WBP1L: variants seen among roughly 807,000 people sequenced by gnomAD.
WBP1L encodes WW domain binding protein 1 like.
Under a neutral mutation model 33.7 loss-of-function variants are expected in WBP1L, and 17 were observed. That is an observed-to-expected ratio of 0.50 (90% CI 0.34 to 0.76). The LOEUF is 0.76. Among genes scored for constraint, WBP1L ranks in the 30% least tolerant of loss-of-function variants. The pLI is 0.01. For synonymous variants in WBP1L, 173 were observed against 190.8 expected (o/e 0.91, Z 0.77); for missense variants, 389 against 469.4 (o/e 0.83, Z 1.58).
intron 1 of WBP1L, among the ~76,000 whole-genome samples, chr10:102,754,255 GTCT>G (rs1362423819): frequency 6.6e-6 from 1 of 152,148 alleles, no homozygotes; most frequent in Non-Finnish European, 1.5e-5. Flanking sequence ...TGGATAATTT[GTCT>G]TTAAGTTTTG....
intron 1 of WBP1L, among the ~76,000 whole-genome samples, chr10:102,779,783 A>G (rs1843314193): frequency 6.6e-6 from 1 of 152,380 alleles, no homozygotes. Flanking sequence ...AGGAACGCCC[A>G]GGGACTGGGA....
chr10:102,790,603 C>G (rs973619595), intron 1 of WBP1L, among the ~76,000 whole-genome samples: 3 of 152,058 alleles, frequency 2.0e-5, no homozygotes, highest in Non-Finnish European at 4.4e-5. Context: ...CTCTGCCTCC[C>G]GGGTTCAAGC....
chr10:102,797,983 A>G lies in WBP1L; in HGVS notation c.91-10A>G. ...ATTTAATATGCTAACATGCTTTTTTAATTTTTTAGGATAAGGAAGCCTGTG... is the reference window on the plus strand; with the variant it reads ...ATTTAATATGCTAACATGCTTTTTTGATTTTTTAGGATAAGGAAGCCTGTG... On this transcript the variant is annotated splice_polypyrimidine_tract_variant and intron_variant, in intron 1 of 3. Transcript: ENST00000448841. The G allele has an allele frequency of 6.2e-7, 1 of 1,612,038 alleles. No individual in the cohort carries two copies. Among genetic ancestry groups the G allele is most frequent in the Non-Finnish European group, 8.5e-7 (1 of 1,179,064 alleles).
chr10:102,793,079 A>G (rs1843526095), intron 1 of WBP1L, among the ~76,000 whole-genome samples: 1 of 152,144 alleles, frequency 6.6e-6, no homozygotes, highest in East Asian at 1.9e-4. Flanking sequence ...ATCTTTCATT[A>G]GACTGTAAGT....
chr10:102,769,356 C>CTTTTTTTTTTTTTTTTTTTTTTTTTTT (rs376863934), intron 1 of WBP1L, among the ~76,000 whole-genome samples: 1 of 134,664 alleles, frequency 7.4e-6, no homozygotes, highest in African/African-American at 2.6e-5. Flanking sequence ...TTTCTTTTTT[C>CTTTTTTTTTTTTTTTTTTTTTTTTTTT]TTTCTTTTTT....
chr10:102,748,205 G>C (rs1391964398), intron 1 of WBP1L, among the ~76,000 whole-genome samples: 4 of 151,676 alleles, frequency 2.6e-5, no homozygotes, highest in Non-Finnish European at 5.9e-5. Context: ...GCAGTGAGCC[G>C]AGGTCGCGCC....
At chr10:102,808,582 AG>A (rs1380094315) in intron 2 of WBP1L, among the ~76,000 whole-genome samples, 4 of 152,344 alleles carry the variant, frequency 2.6e-5, no homozygotes, top group Non-Finnish European at 5.9e-5. Flanking sequence ...GGCAGGCCAA[AG>A]GGAGGGAGAG....
At chr10:102,754,311 A>G (rs1040274349) in intron 1 of WBP1L, among the ~76,000 whole-genome samples, 3 of 152,066 alleles carry the variant, frequency 2.0e-5, no homozygotes, top group Non-Finnish European at 4.4e-5. Context: ...GGAGCATAAA[A>G]CCTACCCCAG....
chr10:102,771,002 C>T (rs1035698222), intron 1 of WBP1L, among the ~76,000 whole-genome samples: 3 of 152,194 alleles, frequency 2.0e-5, no homozygotes, highest in Non-Finnish European at 4.4e-5. Context: ...ACCCCATTTG[C>T]CTCCATTTCT....
chr10:102,746,634 T>C (rs1826268280), intron 1 of WBP1L, among the ~76,000 whole-genome samples: 1 of 151,982 alleles, frequency 6.6e-6, no homozygotes, highest in South Asian at 2.1e-4. Flanking sequence ...AAGGGGTTGC[T>C]TGTACAAATC....
At chr10:102,770,836 G>A (rs1843178946) in intron 1 of WBP1L, among the ~76,000 whole-genome samples, 1 of 152,134 alleles carries the variant, frequency 6.6e-6, no homozygotes, top group South Asian at 2.1e-4. Flanking sequence ...CCTCAGTTCT[G>A]GTTTTTGCTG....
chr10:102,775,481 A>G (rs893920590), intron 1 of WBP1L, among the ~76,000 whole-genome samples: 8 of 152,216 alleles, frequency 5.3e-5, no homozygotes, highest in African/African-American at 1.9e-4. Flanking sequence ...AGTTGGTTTA[A>G]ATATAGATGA....
intron 1 of WBP1L, chr10:102,746,185 A>G (rs1842862557): frequency 1.0e-6 from 1 of 984,944 alleles, no homozygotes; most frequent in Non-Finnish European, 1.2e-6. Flanking sequence ...TGTTGTGAAC[A>G]TGTGGAAGGG....
At position 102,815,090 on chromosome 10, in the gene WBP1L, C is replaced by T. The variant is rs1321666718; in HGVS notation, c.*1759C>T. The stretch of plus-strand genomic sequence containing the variant: ...GAAGATACTTTGAGTGGCAGCCATT[C>T]TCTCCACGTGAACCACACGTCTGGA... On this transcript the variant is annotated 3_prime_UTR_variant, in exon 4 of 4. Transcript: ENST00000448841. The T allele has an allele frequency of 6.6e-6, 1 of 152,572 alleles. No individual in the cohort carries two copies. Among genetic ancestry groups the T allele is most frequent in the Non-Finnish European group, 1.5e-5 (1 of 68,044 alleles). The allele number at this position is 152,572 out of a possible 1,614,324, so 9.5% of individuals were successfully genotyped here.
intron 1 of WBP1L, among the ~76,000 whole-genome samples, chr10:102,746,372 A>T (rs1413621932): frequency 6.6e-6 from 1 of 152,082 alleles, no homozygotes; most frequent in Non-Finnish European, 1.5e-5. Context: ...AGAGAAGGGA[A>T]AGTTTTCGTA....
intron 1 of WBP1L, among the ~76,000 whole-genome samples, chr10:102,783,421 T>C (rs142317209): frequency 1.4e-3 from 211 of 152,314 alleles, no homozygotes; most frequent in African/African-American, 4.7e-3. Context: ...CAGCGGTCGC[T>C]AGGTTCAGGA....
rs547568367 is a variant in WBP1L at position 102,799,324 on chromosome 10, T to TA, written c.193+1242dup. 5.8e-3 allele frequency among the ~76,000 whole-genome samples: 826 copies of TA among 141,228 alleles called. 8 individuals carry two copies. The highest frequency in any genetic ancestry group is 0.019 in the Middle Eastern group (5 of 270). The allele number at this position is 141,228 out of a possible 152,430, so 92.7% of individuals were successfully genotyped here. A position where few individuals can be genotyped will look rare whatever the true frequency, so the allele number is the denominator to read the frequency against. ...CTGGGCAACAGAGCGAGGCTCCATC[T>TA]AAAAAAAAAAAAAGAAAAATGCCAT... On this transcript the variant is annotated intron_variant, in intron 2 of 3. Coordinates refer to ENST00000448841, the MANE Select transcript of WBP1L (RefSeq NM_001083913.2).
intron 1 of WBP1L, among the ~76,000 whole-genome samples, chr10:102,774,998 C>T (rs1335455787): frequency 1.3e-5 from 2 of 151,620 alleles, no homozygotes; most frequent in Non-Finnish European, 2.9e-5. Flanking sequence ...GCCTGTGGTA[C>T]CAGCTCCTTG....
Position 102,766,549 on chromosome 10 carries a change from G to A in WBP1L, c.90+22406G>A, listed in dbSNP as rs189570556. ...AGGTGGGAGGATTGCTTGTGCCTGC[G>A]AGGTTGGAGGCTACAGTGAGCCATG... On this transcript the variant is annotated intron_variant, in intron 1 of 3. Transcript: ENST00000448841. Among the ~76,000 whole-genome samples, 431 of 151,948 alleles carry A rather than the reference G, an allele frequency of 2.8e-3. 2 individuals carry two copies. Among genetic ancestry groups the A allele is most frequent in the Non-Finnish European group, 4.4e-3 (298 of 67,962 alleles).
Sources: allele counts gnomAD v4.1 joint callset (sites outside exome capture counted in the v4.1 genomes callset), GRCh38; gene constraint gnomAD v4.1.1; transcripts MANE v1.5; gene names NCBI Gene and HGNC (gene_info 2026-07-23, HGNC 2026-07-21).